The following TRIQK variants were observed in gnomAD, a reference collection of about 807,000 sequenced individuals.
The protein encoded by TRIQK is triple QxxK/R motif containing.
Under a neutral mutation model 10.8 loss-of-function variants are expected in TRIQK, and 10 were observed. That is an observed-to-expected ratio of 0.92 (90% CI 0.57 to 1.57). The LOEUF (loss-of-function observed/expected upper bound fraction) is 1.57, where lower values mean the gene tolerates loss of function less well. TRIQK is among the 40% of genes most tolerant of loss of function. The probability of loss-of-function intolerance (pLI) is 0.00; values close to 1 mark genes in which losing one functional copy is unlikely to be tolerated. For synonymous variants in TRIQK, 33 were observed against 33.7 expected (o/e 0.98, Z 0.07); for missense variants, 107 against 97.7 (o/e 1.09, Z -0.40).
At chr8:92,958,359 C>T (rs898685693) in intron 1 of TRIQK, among the ~76,000 whole-genome samples, 3 of 152,060 alleles carry the variant, frequency 2.0e-5, no homozygotes, top group East Asian at 1.9e-4. Context: ...TCACCTATAC[C>T]TGCTGGACAA....
chr8:92,952,976 G>T (rs985200340), intron 2 of TRIQK, among the ~76,000 whole-genome samples: 1 of 151,980 alleles, frequency 6.6e-6, no homozygotes, highest in African/African-American at 2.4e-5. Flanking sequence ...TGTAGTCTGT[G>T]TGTTGTGTTA....
chr8:92,892,109 T>G, intron 3 of TRIQK, 35 bp from the exon 4 acceptor site: 3 of 1,309,704 alleles, frequency 2.3e-6, no homozygotes, highest in Non-Finnish European at 3.1e-6. Context: ...TGAGTTATGC[T>G]CATATATAAT....
intron 3 of TRIQK, among the ~76,000 whole-genome samples, chr8:92,898,715 A>C (rs1808738871): frequency 6.6e-6 from 1 of 151,482 alleles, no homozygotes. Flanking sequence ...TGAGTCAAAC[A>C]GAGGTTGCTG....
intron 2 of TRIQK, among the ~76,000 whole-genome samples, chr8:92,949,341 T>A (rs867757901): frequency 5.3e-5 from 8 of 152,260 alleles, no homozygotes; most frequent in Middle Eastern, 3.4e-3. Context: ...TATTTTCCAT[T>A]TTCAAAATAG....
Position 93,012,361 on chromosome 8 carries a change from G to A in TRIQK, c.-181+5248C>T, listed in dbSNP as rs532501712. ...TGATCAGGTAAAACAGAGTGCCCACGATTCTGTCCATATGCCAAAATCTCA... is the reference window on the plus strand; with the variant it reads ...TGATCAGGTAAAACAGAGTGCCCACAATTCTGTCCATATGCCAAAATCTCA... On this transcript the variant is annotated intron_variant, in intron 1 of 4. Coordinates refer to the TRIQK transcript ENST00000520686. Among the ~76,000 whole-genome samples the A allele has an allele frequency of 3.9e-5, 6 of 152,234 alleles. No individual in the cohort carries two copies. In the South Asian group the frequency reaches 6.2e-4, roughly 16 times the overall value.
At chr8:92,920,114 CAATT>C (rs984542801) in intron 2 of TRIQK, among the ~76,000 whole-genome samples, 6 of 151,552 alleles carry the variant, frequency 4.0e-5, no homozygotes, top group African/African-American at 1.4e-4. Context: ...TTTTTTGTCA[CAATT>C]AAAATTTATT....
At position 92,920,221 on chromosome 8, in the gene TRIQK, T is replaced by C. The variant is rs566463959; in HGVS notation, c.-21-3211A>G. Among the ~76,000 whole-genome samples the C allele has an allele frequency of 5.9e-5, 9 of 151,804 alleles. No individual in the cohort carries two copies. In the East Asian group the frequency reaches 1.7e-3, roughly 29 times the overall value. On this transcript the variant is annotated intron_variant, in intron 2 of 4. Coordinates refer to ENST00000521988, the MANE Select transcript of TRIQK (RefSeq NM_001171797.2). The stretch of plus-strand genomic sequence containing the variant: ...CACATTCATATTCTCCTTTTCTTCC[T>C]AGCACAGACTCTATTTCCTAGCCTC...
intron 1 of TRIQK, among the ~76,000 whole-genome samples, chr8:92,988,000 C>CTTTTTTTTTTTTTTTTTTTTTTTTTT: frequency 1.7e-5 from 1 of 57,580 alleles, no homozygotes; most frequent in Non-Finnish European, 3.0e-5. Flanking sequence ...TTTATACTTT[C>CTTTTTTTTTTTTTTTTTTTTTTTTTT]TTTTTTTTTT....
intron 2 of TRIQK, among the ~76,000 whole-genome samples, chr8:92,939,602 C>T (rs1424729892): frequency 6.6e-6 from 1 of 152,080 alleles, no homozygotes; most frequent in Non-Finnish European, 1.5e-5. Context: ...ATGTCCTCCT[C>T]CACAGATCTC....
At chr8:92,928,560 A>C (rs1810560339) in intron 2 of TRIQK, among the ~76,000 whole-genome samples, 1 of 152,166 alleles carries the variant, frequency 6.6e-6, no homozygotes, top group African/African-American at 2.4e-5. Context: ...ATGGATCTCC[A>C]GTTTTGTTTT....
At chr8:92,928,106 A>G (rs1461178583) in intron 2 of TRIQK, 1 of 152,246 alleles carries the variant, frequency 6.6e-6, no homozygotes, top group Non-Finnish European at 1.5e-5. Context: ...AGGAAATAGC[A>G]GGAGACTAGT....
intron 1 of TRIQK, among the ~76,000 whole-genome samples, chr8:92,964,477 T>TAG (rs932860809): frequency 4.7e-5 from 7 of 148,306 alleles, no homozygotes; most frequent in South Asian, 2.1e-4. Context: ...TATATATATA[T>TAG]ATATCTAGTG....
intron 2 of TRIQK, among the ~76,000 whole-genome samples, chr8:92,929,262 GAT>G (rs1421061034): frequency 6.6e-6 from 1 of 152,192 alleles, no homozygotes; most frequent in Non-Finnish European, 1.5e-5. Flanking sequence ...GCGTTAGACA[GAT>G]GGTAATGTCA....
At chr8:92,953,654 A>T (rs1021042917) in intron 2 of TRIQK, 3 of 152,046 alleles carry the variant, frequency 2.0e-5, no homozygotes, top group African/African-American at 7.2e-5. Context: ...TTCAGAGAAC[A>T]AAAAGGGAGG....
chr8:93,007,579 G>A (rs1472069221), intron 1 of TRIQK, among the ~76,000 whole-genome samples: 2 of 152,186 alleles, frequency 1.3e-5, no homozygotes, highest in Admixed American at 6.5e-5. Context: ...AAAAAACTTT[G>A]CTGAGTTAAA....
At chr8:92,980,263 T>C (rs1016331867) in intron 1 of TRIQK, among the ~76,000 whole-genome samples, 22 of 151,978 alleles carry the variant, frequency 1.4e-4, no homozygotes, top group African/African-American at 5.3e-4. Flanking sequence ...ATTTACTTTA[T>C]CTAGAGAAAT....
At chr8:93,016,100 C>G (rs1813382553) in intron 1 of TRIQK, among the ~76,000 whole-genome samples, 1 of 152,038 alleles carries the variant, frequency 6.6e-6, no homozygotes, top group African/African-American at 2.4e-5. Flanking sequence ...TTGAATGCTT[C>G]TTAGCAAAGA....
chr8:92,986,907 A>G (rs1355732344), intron 1 of TRIQK, among the ~76,000 whole-genome samples: 1 of 152,300 alleles, frequency 6.6e-6, no homozygotes, highest in East Asian at 1.9e-4. Context: ...CTAGAAATAA[A>G]AGAAATGAAA....
At chr8:92,915,051 G>C (rs1233837243) in intron 3 of TRIQK, among the ~76,000 whole-genome samples, 1 of 152,106 alleles carries the variant, frequency 6.6e-6, no homozygotes, top group Non-Finnish European at 1.5e-5. Flanking sequence ...CCTGCCATTT[G>C]GGAAAACATG....
Sources: gnomAD v4.1 joint callset for allele counts (sites outside exome capture counted in the v4.1 genomes callset) on GRCh38, gnomAD v4.1.1 for gene constraint, MANE v1.5 for transcripts, NCBI Gene and HGNC (gene_info 2026-07-23, HGNC 2026-07-21) for gene names.